The following SOX6 variants were observed in gnomAD, a reference collection of about 807,000 sequenced individuals.
The protein encoded by SOX6 is SRY-box transcription factor 6, also known as transcription factor SOX-6.
A neutral mutation model predicts 97.8 loss-of-function variants in SOX6; 11 were observed. That is an observed-to-expected ratio of 0.11 (90% CI 0.07 to 0.19). SOX6 has a LOEUF of 0.19. Ranked by LOEUF, SOX6 falls within the 10% of genes least tolerant of loss-of-function variation. The probability of loss-of-function intolerance (pLI) is 1.00; values close to 1 mark genes in which losing one functional copy is unlikely to be tolerated. For synonymous variants in SOX6, 360 were observed against 371.4 expected (o/e 0.97, Z 0.35); for missense variants, 810 against 1,039.5 (o/e 0.78, Z 3.04).
intron 4 of SOX6, among the ~76,000 whole-genome samples, chr11:16,564,969 C>T (rs1428098537): frequency 6.6e-6 from 1 of 151,500 alleles, no homozygotes; most frequent in African/African-American, 2.4e-5. Flanking sequence ...AGAGCGGAAA[C>T]CAATAAAATT....
intron 6 of SOX6, among the ~76,000 whole-genome samples, chr11:16,150,858 C>A (rs1850441396): frequency 6.6e-6 from 1 of 152,096 alleles, no homozygotes; most frequent in African/African-American, 2.4e-5. Flanking sequence ...CATTCTATAA[C>A]TAATTAAATT....
At chr11:16,222,076 T>G (rs1246831201) in intron 4 of SOX6, among the ~76,000 whole-genome samples, 2 of 152,102 alleles carry the variant, frequency 1.3e-5, no homozygotes, top group African/African-American at 4.8e-5. Flanking sequence ...TCAGATTGCC[T>G]TCATACACTT....
intron 4 of SOX6, among the ~76,000 whole-genome samples, chr11:16,191,853 CT>C (rs150673404): frequency 1.1e-5 from 1 of 87,866 alleles, no homozygotes; most frequent in Non-Finnish European, 2.7e-5. Context: ...TTTTTTTTTT[CT>C]TTTTTTTCTT....
At chr11:16,438,016 AT>A (rs1450324029) in intron 1 of SOX6, among the ~76,000 whole-genome samples, 1 of 152,270 alleles carries the variant, frequency 6.6e-6, no homozygotes, top group East Asian at 1.9e-4. Context: ...TAATGAGTAA[AT>A]TTGATGTATG....
intron 3 of SOX6, among the ~76,000 whole-genome samples, chr11:16,247,782 C>A (rs771680838): frequency 2.4e-4 from 36 of 151,990 alleles, no homozygotes; most frequent in Non-Finnish European, 2.8e-4. Context: ...TATCATTTTG[C>A]CCCTGGTCCC....
rs145306465 is a variant in SOX6, at chr11:16,181,310, TAA to T, written c.777+2574_777+2575del. Among the ~76,000 whole-genome samples the T allele has an allele frequency of 6.6e-3, 995 of 151,874 alleles. 2 individuals are homozygous for T. Among genetic ancestry groups the T allele is most frequent in the Non-Finnish European group, 0.011 (755 of 67,786 alleles). On this transcript the variant is annotated intron_variant, in intron 6 of 15. Transcript: ENST00000683767. The stretch of plus-strand genomic sequence containing the variant: ...CATCATTTGCTTTTGAAAGAGAAGT[TAA>T]GTTTCATTTTTAATATATTTAATAA...
At chr11:16,431,107 T>C (rs1859264317) in intron 1 of SOX6, among the ~76,000 whole-genome samples, 1 of 152,134 alleles carries the variant, frequency 6.6e-6, no homozygotes, top group African/African-American at 2.4e-5. Flanking sequence ...GGTTTGCTTC[T>C]CCACTTCTTT....
At chr11:16,648,105 G>C (rs750646805) in intron 3 of SOX6, among the ~76,000 whole-genome samples, 3 of 152,186 alleles carry the variant, frequency 2.0e-5, no homozygotes, top group Non-Finnish European at 4.4e-5. Context: ...AGACTGGAAA[G>C]GGTGAGGTCT....
intron 9 of SOX6, among the ~76,000 whole-genome samples, chr11:16,083,970 A>G (rs1430952705): frequency 6.6e-6 from 1 of 152,070 alleles, no homozygotes; most frequent in Non-Finnish European, 1.5e-5. Flanking sequence ...GTACAATCTC[A>G]TTGCCTATTT....
chr11:16,672,510 A>G (rs1418358986), intron 3 of SOX6, among the ~76,000 whole-genome samples: 1 of 152,202 alleles, frequency 6.6e-6, no homozygotes, highest in East Asian at 1.9e-4. Context: ...GGCAAGGAGG[A>G]GCAAGTAACA....
intron 4 of SOX6, among the ~76,000 whole-genome samples, chr11:16,196,378 C>A (rs1411826659): frequency 6.6e-6 from 1 of 152,160 alleles, no homozygotes. Flanking sequence ...GAATGTCCTA[C>A]CTTCTCAAAA....
At chr11:16,180,554 A>G (rs1023315168) in intron 6 of SOX6, among the ~76,000 whole-genome samples, 2 of 151,702 alleles carry the variant, frequency 1.3e-5, no homozygotes, top group African/African-American at 2.4e-5. Context: ...AAATTAGAGA[A>G]ATCATCATTT....
chr11:16,728,092 G>A (rs1018457719), intron 2 of SOX6, among the ~76,000 whole-genome samples: 1 of 152,136 alleles, frequency 6.6e-6, no homozygotes, highest in African/African-American at 2.4e-5. Context: ...CCCCAGTGAG[G>A]GGCTTATAGA....
chr11:16,128,383 CT>C (rs1849658816), intron 6 of SOX6, among the ~76,000 whole-genome samples: 1 of 152,116 alleles, frequency 6.6e-6, no homozygotes, highest in Non-Finnish European at 1.5e-5. Flanking sequence ...ATTTAGCTAG[CT>C]TTAGAATCAC....
chr11:16,726,948 G>A (rs531197914), intron 2 of SOX6, among the ~76,000 whole-genome samples: 2 of 152,136 alleles, frequency 1.3e-5, no homozygotes, highest in African/African-American at 4.8e-5. Context: ...CTTTTCCAAC[G>A]AATGATTTTA....
intron 4 of SOX6, among the ~76,000 whole-genome samples, chr11:16,500,048 G>A (rs567639445): frequency 1.3e-4 from 20 of 152,294 alleles, no homozygotes; most frequent in Admixed American, 2.6e-4. Flanking sequence ...GAACATCAAT[G>A]CAAAAATCCT....
At chr11:15,991,816 A>G (rs1210866422) in intron 13 of SOX6, among the ~76,000 whole-genome samples, 1 of 152,180 alleles carries the variant, frequency 6.6e-6, no homozygotes, top group Non-Finnish European at 1.5e-5. Context: ...TCTCTACTCC[A>G]TACCAATAGA....
At chr11:16,545,345 A>C (rs7131205) in intron 4 of SOX6, among the ~76,000 whole-genome samples, 15,682 of 113,146 alleles carry the variant, frequency 0.14, 866 homozygotes, top group Non-Finnish European at 0.18. Flanking sequence ...GTCCAAGCCC[A>C]AAAAAAAAAA....
chr11:16,590,401 G>A lies in SOX6; in HGVS notation n.609+21680C>T, dbSNP rs527770773. 3.5e-4 allele frequency among the ~76,000 whole-genome samples: 53 copies of A among 152,238 alleles called. No individual in the cohort carries two copies. In the South Asian group the frequency reaches 5.8e-3, roughly 17 times the overall value. ...AAGGAAGTGAACCCACTGGTGAAGTGGTTGTCCTAGCTGAACTAAAGGAAC... is the reference window on the plus strand; with the variant it reads ...AAGGAAGTGAACCCACTGGTGAAGTAGTTGTCCTAGCTGAACTAAAGGAAC... On this transcript the variant is annotated intron_variant and non_coding_transcript_variant, in intron 4 of 5. Transcript: ENST00000524520.
Sources: allele counts gnomAD v4.1 joint callset (sites outside exome capture counted in the v4.1 genomes callset), GRCh38; gene constraint gnomAD v4.1.1; transcripts MANE v1.5; gene names NCBI Gene and HGNC (gene_info 2026-07-23, HGNC 2026-07-21).